ELOVL7: variants seen among roughly 807,000 people sequenced by gnomAD.
ELOVL7 encodes the protein ELOVL fatty acid elongase 7.
In ELOVL7, 27 loss-of-function variants were observed where a neutral mutation model predicts 35.7. The ratio of observed to expected loss-of-function variants is 0.76; its 90% CI spans 0.56 to 1.04. The LOEUF is 1.04. Among genes scored for constraint, ELOVL7 ranks in the 50% least tolerant of loss-of-function variants. ELOVL7 has a pLI of 0.00. For missense variants in ELOVL7, 327 were observed against 340.8 expected, an observed-to-expected ratio of 0.96 and a Z score of 0.32; for synonymous variants, 113 against 114.6, an observed-to-expected ratio of 0.99 and a Z score of 0.09.
intron 2 of ELOVL7, among the ~76,000 whole-genome samples, chr5:60,787,736 TGAC>T (rs1743687408): frequency 6.6e-6 from 1 of 152,156 alleles, no homozygotes. Context: ...CCTTTTATGC[TGAC>T]AACATAATTC....
chr5:60,770,712 TTTTTTA>T lies in ELOVL7; in HGVS notation c.255+1185_255+1190del, dbSNP rs146971182. Reference sequence around the variant, plus strand: ...CTGTGAGAAATAAGGCCAGAGTATTTTTTTTATTTTTATTTTTTGAGACAGGGTCTT... The same window carrying T: ...CTGTGAGAAATAAGGCCAGAGTATTTTTTTTATTTTTTGAGACAGGGTCTT... On this transcript the variant is annotated intron_variant, in intron 4 of 8. Transcript: ENST00000508821. Among the ~76,000 whole-genome samples the T allele has an allele frequency of 4.5e-3, 682 of 152,316 alleles. 7 individuals are homozygous for T. Among genetic ancestry groups the T allele is most frequent in the African/African-American group, 0.015 (641 of 41,574 alleles).
In ELOVL7 at chr5:60,775,074, T is replaced by C. The variant is rs118024681; in HGVS notation, c.65-2981A>G. Among the ~76,000 whole-genome samples the C allele has an allele frequency of 1.5e-3, 236 of 152,296 alleles. 5 individuals carry two copies. The East Asian group carries it at 0.04, about 26-fold the overall frequency. ...CCACCACACCCAGCCAAAACTCTTA[T>C]ATTTGATAAATGAATTCAGTAAAGT... On this transcript the variant is annotated intron_variant, in intron 3 of 8. Coordinates refer to ENST00000508821, the MANE Select transcript of ELOVL7 (RefSeq NM_024930.3).
chr5:60,801,523 G>A (rs1051062334), intron 1 of ELOVL7, among the ~76,000 whole-genome samples: 2 of 151,880 alleles, frequency 1.3e-5, no homozygotes, highest in African/African-American at 4.8e-5. Context: ...GCAACAAAGT[G>A]AGCCTCCATC....
intron 1 of ELOVL7, among the ~76,000 whole-genome samples, chr5:60,830,053 G>T (rs1184360751): frequency 1.3e-5 from 2 of 152,076 alleles, no homozygotes; most frequent in African/African-American, 4.8e-5. Flanking sequence ...TTCTCTACGT[G>T]AGGCCTGGCT....
At chr5:60,760,227 G>A (rs371318689) in intron 7 of ELOVL7, among the ~76,000 whole-genome samples, 1 of 152,140 alleles carries the variant, frequency 6.6e-6, no homozygotes, top group African/African-American at 2.4e-5. Context: ...GACTTCCACA[G>A]TGGTTGAACT....
intron 1 of ELOVL7, among the ~76,000 whole-genome samples, chr5:60,813,710 T>G (rs1745364732): frequency 6.6e-6 from 1 of 152,122 alleles, no homozygotes; most frequent in African/African-American, 2.4e-5. Flanking sequence ...AAAAGACCAC[T>G]AGCCTGGTTG....
At chr5:60,797,347 T>C (rs901258378) in intron 2 of ELOVL7, among the ~76,000 whole-genome samples, 1 of 152,178 alleles carries the variant, frequency 6.6e-6, no homozygotes, top group Non-Finnish European at 1.5e-5. Flanking sequence ...TGTATCACCC[T>C]CCATTCTCTT....
intron 1 of ELOVL7, among the ~76,000 whole-genome samples, chr5:60,803,228 C>T (rs1055009026): frequency 6.6e-6 from 1 of 152,190 alleles, no homozygotes; most frequent in Admixed American, 6.5e-5. Context: ...TCCCATCCCA[C>T]AAGTCACAAG....
chr5:60,757,558 G>A lies in ELOVL7; in HGVS notation c.587C>T (p.Ala196Val). 6.2e-7 allele frequency: 1 copy of A among 1,613,230 alleles called. No homozygotes were observed. The highest frequency in any genetic ancestry group is 8.5e-7 in the Non-Finnish European group (1 of 1,179,452). ...TTTCCACCACAAATACTTCTGGTAG[G>A]CTGGCCCCAATGCAGAAAGTCCATA... is the stretch of plus-strand genomic sequence containing the variant. ...SYYGLSALGP[A>V]YQKYLWWKKY... Residue 196 changes from alanine (A) to valine (V), a missense_variant, in exon 8 of 9, where the codon GCC (alanine) becomes GTC (valine). Coordinates refer to ENST00000508821, the MANE Select transcript of ELOVL7 (RefSeq NM_024930.3).
At chr5:60,802,095 TATATATATATATATATATATATAC>T (rs1362879152) in intron 1 of ELOVL7, among the ~76,000 whole-genome samples, 10 of 14,370 alleles carry the variant, frequency 7.0e-4, no homozygotes, top group South Asian at 1.5e-3. Flanking sequence ...TATATATATA[TATATATATATATATATATATATAC>T]ACACACACAC....
intron 1 of ELOVL7, among the ~76,000 whole-genome samples, chr5:60,842,281 G>A (rs1013551942): frequency 5.3e-5 from 8 of 152,000 alleles, no homozygotes; most frequent in African/African-American, 1.4e-4. Context: ...GGAATGGCAC[G>A]GCACCTTGGA....
At chr5:60,832,219 G>A (rs1006264332) in intron 1 of ELOVL7, among the ~76,000 whole-genome samples, 1 of 152,204 alleles carries the variant, frequency 6.6e-6, no homozygotes, top group African/African-American at 2.4e-5. Context: ...GTCTCTAAAA[G>A]TGAATTTAGA....
intron 4 of ELOVL7, among the ~76,000 whole-genome samples, chr5:60,770,580 A>T (rs143761555): frequency 6.6e-6 from 1 of 152,154 alleles, no homozygotes. Context: ...TTTTCCTCTC[A>T]GTTGCTCATA....
intron 1 of ELOVL7, among the ~76,000 whole-genome samples, chr5:60,810,656 G>A (rs938045143): frequency 1.3e-5 from 2 of 152,304 alleles, no homozygotes; most frequent in Admixed American, 1.3e-4. Flanking sequence ...CATCTGATCT[G>A]ATTCATTGGA....
At chr5:60,820,550 C>G (rs1745822036) in intron 1 of ELOVL7, among the ~76,000 whole-genome samples, 1 of 152,168 alleles carries the variant, frequency 6.6e-6, no homozygotes, top group African/African-American at 2.4e-5. Context: ...CTCATAAGTA[C>G]TTCAGCCCAA....
chr5:60,768,242 T>C (rs1742363252), intron 4 of ELOVL7, among the ~76,000 whole-genome samples: 1 of 152,214 alleles, frequency 6.6e-6, no homozygotes, highest in South Asian at 2.1e-4. Flanking sequence ...TAGGTTCATC[T>C]ATGTATGTGT....
At chr5:60,799,777 C>T (rs528254401) in intron 1 of ELOVL7, among the ~76,000 whole-genome samples, 78 of 152,270 alleles carry the variant, frequency 5.1e-4, no homozygotes, top group African/African-American at 1.5e-3. Flanking sequence ...GTGGCTCATG[C>T]CTGTAATCCC....
chr5:60,828,858 T>C (rs1451449678), intron 1 of ELOVL7, among the ~76,000 whole-genome samples: 3 of 152,202 alleles, frequency 2.0e-5, no homozygotes, highest in Non-Finnish European at 4.4e-5. Context: ...TCACTACTTT[T>C]AGTCATAACA....
Position 60,796,535 on chromosome 5 carries a change from C to T in ELOVL7, c.-35+2645G>A, listed in dbSNP as rs939589757. Among the ~76,000 whole-genome samples, 7 of 152,270 alleles carry T rather than the reference C, an allele frequency of 4.6e-5. No homozygotes were observed. The South Asian group carries it at 6.2e-4, about 14-fold the overall frequency. The stretch of plus-strand genomic sequence containing the variant: ...CATTTCCAGAAATTGCCAAACGTCC[C>T]CTGTGGGGCAAAATCCTCCCAAGTT... On this transcript the variant is annotated intron_variant, in intron 2 of 8. Coordinates refer to ENST00000508821, the MANE Select transcript of ELOVL7 (RefSeq NM_024930.3).
Sources: allele counts gnomAD v4.1 joint callset (sites outside exome capture counted in the v4.1 genomes callset), GRCh38; gene constraint gnomAD v4.1.1; transcripts MANE v1.5; gene names NCBI Gene and HGNC (gene_info 2026-07-23, HGNC 2026-07-21).